The following PIK3C2A variants were observed in gnomAD, a reference collection of about 807,000 sequenced individuals.
PIK3C2A encodes phosphatidylinositol-4-phosphate 3-kinase catalytic subunit type 2 alpha, also known as phosphatidylinositol 4-phosphate 3-kinase C2 domain-containing subunit alpha.
A neutral mutation model predicts 204.5 loss-of-function variants in PIK3C2A; 97 were observed. The ratio of observed to expected loss-of-function variants is 0.47; its 90% CI spans 0.40 to 0.56. The LOEUF is 0.56. PIK3C2A is among the 20% of genes least tolerant of loss of function. PIK3C2A has a pLI of 0.00. For missense variants in PIK3C2A, 1,735 were observed against 1,969.2 expected, an observed-to-expected ratio of 0.88 and a Z score of 2.25; for synonymous variants, 653 against 664.4, an observed-to-expected ratio of 0.98 and a Z score of 0.26.
intron 1 of PIK3C2A, among the ~76,000 whole-genome samples, chr11:17,199,981 A>T (rs1468546669): frequency 6.6e-6 from 1 of 151,824 alleles, no homozygotes; most frequent in African/African-American, 2.4e-5. Flanking sequence ...ACTGCTTAAC[A>T]GCTACAGAGT....
chr11:17,139,064 C>T (rs564872544), intron 8 of PIK3C2A, among the ~76,000 whole-genome samples: 5 of 151,948 alleles, frequency 3.3e-5, no homozygotes, highest in African/African-American at 7.2e-5. Context: ...CCTGCCACCA[C>T]GCCCAGCTAA....
At chr11:17,187,364 G>A (rs548135274) in intron 1 of PIK3C2A, among the ~76,000 whole-genome samples, 10 of 152,224 alleles carry the variant, frequency 6.6e-5, no homozygotes, top group Admixed American at 2.0e-4. Flanking sequence ...ACTCAGTGAT[G>A]TTTAAAATAA....
intron 1 of PIK3C2A, among the ~76,000 whole-genome samples, chr11:17,182,918 C>G (rs530703440): frequency 6.6e-6 from 1 of 152,202 alleles, no homozygotes; most frequent in Admixed American, 6.5e-5. Flanking sequence ...CAGTTCACTG[C>G]AGCCTCGACC....
intron 11 of PIK3C2A, among the ~76,000 whole-genome samples, chr11:17,132,924 A>G (rs1485171806): frequency 2.0e-5 from 3 of 152,218 alleles, no homozygotes; most frequent in African/African-American, 7.2e-5. Flanking sequence ...CTGGTTGGAT[A>G]CAGTCAGGTA....
At chr11:17,122,371 A>C (rs774819922) in intron 14 of PIK3C2A, 38 bp from the exon 15 acceptor site, 1 of 1,335,416 alleles carries the variant, frequency 7.5e-7, no homozygotes, top group Non-Finnish European at 1.1e-6. Flanking sequence ...ATTACAGTCT[A>C]CGTATTTGCC....
intron 1 of PIK3C2A, among the ~76,000 whole-genome samples, chr11:17,182,075 A>G (rs1156634335): frequency 2.0e-5 from 3 of 151,858 alleles, no homozygotes; most frequent in Non-Finnish European, 4.4e-5. Flanking sequence ...CTGGGCAACA[A>G]GAGTGAAACT....
chr11:17,201,369 A>G (rs1199428274), intron 1 of PIK3C2A, among the ~76,000 whole-genome samples: 2 of 151,524 alleles, frequency 1.3e-5, no homozygotes, highest in Non-Finnish European at 2.9e-5. Context: ...TCTACTAAAA[A>G]TACAAAAATT....
chr11:17,096,083 G>A (rs1432777497), intron 27 of PIK3C2A, among the ~76,000 whole-genome samples: 1 of 151,146 alleles, frequency 6.6e-6, no homozygotes, highest in African/African-American at 2.4e-5. Flanking sequence ...CTGTTGCCCA[G>A]CCTGGAGCGC....
At chr11:17,156,215 T>C (rs1187689871) in intron 2 of PIK3C2A, among the ~76,000 whole-genome samples, 2 of 152,160 alleles carry the variant, frequency 1.3e-5, no homozygotes, top group African/African-American at 2.4e-5. Context: ...GCAGAGTCCA[T>C]TGAGAGTGTT....
chr11:17,190,704 A>C (rs1003687834), intron 1 of PIK3C2A, among the ~76,000 whole-genome samples: 1 of 152,162 alleles, frequency 6.6e-6, no homozygotes, highest in South Asian at 2.1e-4. Flanking sequence ...GAAAGGAAAA[A>C]TATATTCAAA....
At chr11:17,138,941 T>G (rs1246864558) in intron 8 of PIK3C2A, among the ~76,000 whole-genome samples, 2 of 152,132 alleles carry the variant, frequency 1.3e-5, no homozygotes, top group African/African-American at 4.8e-5. Context: ...AAATCTCGCT[T>G]TTGTCCCCCA....
chr11:17,132,168 T>C, intron 11 of PIK3C2A, 130 bp from the exon 12 acceptor site: 1 of 573,510 alleles, frequency 1.7e-6, no homozygotes, highest in Middle Eastern at 4.7e-4. Context: ...TCATTTGAGT[T>C]TTTAGAAGTC....
At chr11:17,201,262 C>A (rs144903591) in intron 1 of PIK3C2A, among the ~76,000 whole-genome samples, 10 of 151,950 alleles carry the variant, frequency 6.6e-5, no homozygotes, top group Non-Finnish European at 1.0e-4. Context: ...GGTGTGGTGG[C>A]TCATGCCTGT....
At chr11:17,151,061 GT>G (rs1410669908) in intron 3 of PIK3C2A, among the ~76,000 whole-genome samples, 1 of 152,140 alleles carries the variant, frequency 6.6e-6, no homozygotes, top group African/African-American at 2.4e-5. Flanking sequence ...TAACAAGTTG[GT>G]TGTCTTAAAA....
Position 17,101,447 on chromosome 11 carries a change from A to G in PIK3C2A, c.3852-13T>C, listed in dbSNP as rs767449635. ...AGGAGCCCGATCCCTATTTAAAATG[A>G]AAGTACATACAAAATATTATTTACA... On this transcript the variant is annotated splice_polypyrimidine_tract_variant and intron_variant, in intron 24 of 32. Transcript: ENST00000691414. 6.9e-7 allele frequency: 1 copy of G among 1,449,216 alleles called. No homozygotes were observed. The highest frequency in any genetic ancestry group is 2.0e-5 in the Admixed American group (1 of 50,466). 89.8% of individuals were successfully genotyped at this position (1,449,216 alleles called of 1,614,324 possible). A position where few individuals can be genotyped will look rare whatever the true frequency, so the allele number is the denominator to read the frequency against.
Position 17,088,657 on chromosome 11 carries a change from T to G in PIK3C2A, c.*1081A>C, listed in dbSNP as rs555208587. 2.6e-5 allele frequency: 4 copies of G among 152,340 alleles called. No homozygotes were observed. The East Asian group carries it at 7.7e-4, about 29-fold the overall frequency. 9.4% of individuals were successfully genotyped at this position (152,340 alleles called of 1,614,324 possible). ...TGTGAATGTAAAATGTTTACACACA[T>G]AAGTAAGACAGTTTACAAGACAAAC... On this transcript the variant is annotated 3_prime_UTR_variant, in exon 33 of 33. Transcript: ENST00000691414.
intron 13 of PIK3C2A, among the ~76,000 whole-genome samples, chr11:17,127,318 T>C (rs746536982): frequency 6.6e-6 from 1 of 152,100 alleles, no homozygotes; most frequent in Non-Finnish European, 1.5e-5. Context: ...GTGTTTTTTT[T>C]TTCTTTTGGA....
chr11:17,117,115 A>G (rs565502665), intron 19 of PIK3C2A, among the ~76,000 whole-genome samples: 2 of 152,214 alleles, frequency 1.3e-5, no homozygotes, highest in African/African-American at 2.4e-5. Context: ...ATAGAAGTAT[A>G]GACGTATCCA....
At chr11:17,196,797 C>G (rs1447237165) in intron 1 of PIK3C2A, among the ~76,000 whole-genome samples, 1 of 152,042 alleles carries the variant, frequency 6.6e-6, no homozygotes, top group Non-Finnish European at 1.5e-5. Flanking sequence ...GTCTCGATCT[C>G]CTGACCTCGT....
Sources: gnomAD v4.1 joint callset for allele counts (sites outside exome capture counted in the v4.1 genomes callset) on GRCh38, gnomAD v4.1.1 for gene constraint, MANE v1.5 for transcripts, NCBI Gene and HGNC (gene_info 2026-07-23, HGNC 2026-07-21) for gene names.